The following UNC79 variants were observed in gnomAD, a reference collection of about 807,000 sequenced individuals.
UNC79 encodes protein unc-79 homolog.
In UNC79, 37 loss-of-function variants were observed where a neutral mutation model predicts 283.1. The observed-to-expected ratio is 0.13, with a 90% CI of 0.10 to 0.17. UNC79 has a LOEUF of 0.17. UNC79 is among the 10% of genes least tolerant of loss of function. The pLI, the probability that UNC79 is intolerant of heterozygous loss-of-function variation, is 1.00. For missense variants in UNC79, 2,272 were observed against 3,211.1 expected, an observed-to-expected ratio of 0.71 and a Z score of 7.07; for synonymous variants, 1,107 against 1,200.2, an observed-to-expected ratio of 0.92 and a Z score of 1.61.
At chr14:93,595,076 C>CT (rs547051985) in intron 23 of UNC79, among the ~76,000 whole-genome samples, 243 of 142,632 alleles carry the variant, frequency 1.7e-3, no homozygotes, top group South Asian at 2.7e-3. Flanking sequence ...TCTTTCTTTC[C>CT]TTTTTTTTTT....
At chr14:93,693,719 A>G (rs2140967719) in intron 46 of UNC79, among the ~76,000 whole-genome samples, 1 of 152,338 alleles carries the variant, frequency 6.6e-6, no homozygotes, top group South Asian at 2.1e-4. Flanking sequence ...AGATTGAGAA[A>G]GGATCAAGAT....
At chr14:93,397,845 G>T (rs1291628933) in intron 1 of UNC79, among the ~76,000 whole-genome samples, 1 of 150,088 alleles carries the variant, frequency 6.7e-6, no homozygotes, top group East Asian at 2.0e-4. Context: ...GATCACTTGA[G>T]GCCAGGAGTT....
intron 1 of UNC79, among the ~76,000 whole-genome samples, chr14:93,380,861 A>G (rs190182107): frequency 2.0e-5 from 3 of 152,336 alleles, no homozygotes; most frequent in Admixed American, 2.0e-4. Flanking sequence ...TTCTGGAGGA[A>G]TCTGAAAATA....
chr14:93,692,888 G>C (rs773981480), intron 46 of UNC79, among the ~76,000 whole-genome samples: 4 of 152,184 alleles, frequency 2.6e-5, no homozygotes, highest in Admixed American at 2.6e-4. Context: ...TGCAACCAGC[G>C]TCTTGTTATG....
intron 11 of UNC79, among the ~76,000 whole-genome samples, chr14:93,534,395 T>C (rs1219531175): frequency 2.0e-5 from 3 of 152,348 alleles, no homozygotes; most frequent in African/African-American, 7.2e-5. Flanking sequence ...TGCGTCTCTT[T>C]AGTTTTAGCT....
chr14:93,500,432 A>G (rs1285300458), intron 7 of UNC79, among the ~76,000 whole-genome samples: 3 of 152,182 alleles, frequency 2.0e-5, no homozygotes, highest in Admixed American at 6.5e-5. Flanking sequence ...CTAGTAGACC[A>G]TGGCATTCTG....
At chr14:93,622,259 G>A (rs1185628231) in exon 30 of UNC79, 2 of 1,613,996 alleles carry the variant, frequency 1.2e-6, no homozygotes, top group Non-Finnish European at 1.7e-6. Context: ...CCATCCCTCC[G>A]TCCTCAGCCT....
intron 40 of UNC79, among the ~76,000 whole-genome samples, chr14:93,669,021 T>C (rs992817415): frequency 1.4e-5 from 2 of 146,474 alleles, no homozygotes; most frequent in African/African-American, 5.1e-5. Flanking sequence ...AAGAACTTTA[T>C]GGAGATAACT....
chr14:93,555,286 A>G (rs2062106376), intron 14 of UNC79, among the ~76,000 whole-genome samples: 1 of 126,114 alleles, frequency 7.9e-6, no homozygotes, highest in Non-Finnish European at 1.6e-5. Context: ...TGTCTTTTAC[A>G]TATCTTGGTA....
intron 1 of UNC79, among the ~76,000 whole-genome samples, chr14:93,344,652 G>A (rs2053785700): frequency 6.6e-6 from 1 of 152,218 alleles, no homozygotes; most frequent in Admixed American, 6.5e-5. Flanking sequence ...GTCAAGTAGT[G>A]TAACAACTGT....
intron 24 of UNC79, among the ~76,000 whole-genome samples, chr14:93,600,196 T>C (rs113020436): frequency 0.077 from 11,771 of 152,068 alleles, 492 homozygotes; most frequent in Middle Eastern, 0.1. Flanking sequence ...TGAGACTTCA[T>C]CTCAAAAAAC....
At chr14:93,586,768 T>C (rs537751686) in exon 22 of UNC79, 3 of 1,613,780 alleles carry the variant, frequency 1.9e-6, no homozygotes, top group South Asian at 1.1e-5. Context: ...AGGAAATGGC[T>C]AAGTTTGAAG....
intron 20 of UNC79, 134 bp from the exon 21 acceptor site, chr14:93,586,462 T>TA: frequency 2.9e-6 from 2 of 691,690 alleles, no homozygotes; most frequent in South Asian, 3.8e-5. Flanking sequence ...GGAGAGCAGA[T>TA]AAAAAGTTTT....
intron 1 of UNC79, among the ~76,000 whole-genome samples, chr14:93,433,976 G>A (rs1369618026): frequency 1.3e-5 from 2 of 152,198 alleles, no homozygotes; most frequent in Non-Finnish European, 2.9e-5. Flanking sequence ...CACTTTGGGA[G>A]GCCGAGGCAG....
chr14:93,593,428 T>G (rs2064838229), intron 22 of UNC79, among the ~76,000 whole-genome samples: 1 of 152,222 alleles, frequency 6.6e-6, no homozygotes, highest in African/African-American at 2.4e-5. Flanking sequence ...ATTGCTGAAT[T>G]TACATTATGC....
intron 1 of UNC79, among the ~76,000 whole-genome samples, chr14:93,451,212 C>A (rs969380723): frequency 1.3e-5 from 2 of 151,640 alleles, no homozygotes; most frequent in African/African-American, 4.8e-5. Context: ...TAGAGGCTTT[C>A]TTTAGATGGT....
At chr14:93,347,398 A>T in intron 1 of UNC79, 1 of 1,484,644 alleles carries the variant, frequency 6.7e-7, no homozygotes, top group African/African-American at 1.4e-5. Flanking sequence ...TGCCGCGGTG[A>T]GTTGAGGCCC....
chr14:93,344,240 T>C (rs779107758), intron 1 of UNC79, among the ~76,000 whole-genome samples: 28 of 152,232 alleles, frequency 1.8e-4, no homozygotes, highest in South Asian at 4.1e-4. Context: ...GAATTTTTGT[T>C]GCTTTTTAAA....
intron 10 of UNC79, among the ~76,000 whole-genome samples, chr14:93,530,030 A>G (rs1417988840): frequency 1.3e-5 from 2 of 152,214 alleles, no homozygotes; most frequent in East Asian, 1.9e-4. Context: ...AGCTGCAGGC[A>G]TACTAAGTTT....
Sources: gnomAD v4.1 joint callset for allele counts (sites outside exome capture counted in the v4.1 genomes callset) on GRCh38, gnomAD v4.1.1 for gene constraint, MANE v1.5 for transcripts, NCBI Gene and HGNC (gene_info 2026-07-23, HGNC 2026-07-21) for gene names.